ASAP1: variants seen among roughly 807,000 people sequenced by gnomAD.
The protein encoded by ASAP1 is ArfGAP with SH3 domain, ankyrin repeat and PH domain 1, also known as arf-GAP with SH3 domain, ANK repeat and PH domain-containing protein 1.
A neutral mutation model predicts 145.2 loss-of-function variants in ASAP1; 43 were observed. The ratio of observed to expected loss-of-function variants is 0.30; its 90% CI spans 0.23 to 0.38. The LOEUF is 0.38. ASAP1 is among the 10% of genes least tolerant of loss of function. The probability of loss-of-function intolerance (pLI) is 1.00; values close to 1 mark genes in which losing one functional copy is unlikely to be tolerated. For synonymous variants in ASAP1, 546 were observed against 515.5 expected (o/e 1.06, Z -0.80); for missense variants, 1,018 against 1,355.3 (o/e 0.75, Z 3.91).
At position 130,177,497 on chromosome 8, in the gene ASAP1, T is replaced by C. The variant is rs369270541; in HGVS notation, c.746+1767A>G. Among the ~76,000 whole-genome samples the C allele has an allele frequency of 2.0e-5, 3 of 152,116 alleles. No individual in the cohort carries two copies. In the East Asian group the frequency reaches 5.8e-4, roughly 29 times the overall value. On this transcript the variant is annotated intron_variant, in intron 9 of 29. Transcript: ENST00000518721. ...ACTAAATTTGATGAAAGATAAAAAATTCCACCCAATACTAAAATCAGGGAC... is the reference window on the plus strand; with the variant it reads ...ACTAAATTTGATGAAAGATAAAAAACTCCACCCAATACTAAAATCAGGGAC...
At chr8:130,369,147 G>A (rs147385098) in intron 2 of ASAP1, among the ~76,000 whole-genome samples, 41 of 152,308 alleles carry the variant, frequency 2.7e-4, no homozygotes, top group African/African-American at 8.7e-4. Flanking sequence ...TATACAGGTT[G>A]AGTATTCCTT....
At chr8:130,236,883 T>C (rs1488528247) in intron 4 of ASAP1, 39 bp downstream of exon 4, 1 of 1,389,072 alleles carries the variant, frequency 7.2e-7, no homozygotes. Flanking sequence ...GTAGACATTA[T>C]TTATAATTCA....
At chr8:130,238,560 G>A (rs929102221) in intron 3 of ASAP1, among the ~76,000 whole-genome samples, 1 of 152,174 alleles carries the variant, frequency 6.6e-6, no homozygotes, top group Non-Finnish European at 1.5e-5. Context: ...CATTTACTGA[G>A]CACTTACTAG....
chr8:130,054,633 ACTCT>A lies in ASAP1; in HGVS notation c.*94_*97del. ...GAGGTGGCCCTTCCATGAGTTTCTT[ACTCT>A]GTAACAGCAGCTATATACACACTGT... On this transcript the variant is annotated 3_prime_UTR_variant, in exon 30 of 30. Transcript: ENST00000518721. 9.6e-7 allele frequency: 1 copy of A among 1,041,152 alleles called. No individual in the cohort carries two copies. The highest frequency in any genetic ancestry group is 1.8e-5 in the Admixed American group (1 of 56,990). 64.5% of individuals were successfully genotyped at this position (1,041,152 alleles called of 1,614,324 possible). A position where few individuals can be genotyped will look rare whatever the true frequency, so the allele number is the denominator to read the frequency against.
chr8:130,162,507 A>C (rs1032308152), intron 11 of ASAP1, among the ~76,000 whole-genome samples: 1 of 152,160 alleles, frequency 6.6e-6, no homozygotes, highest in Non-Finnish European at 1.5e-5. Context: ...TCTCTGCCCT[A>C]TCTGTATCTT....
rs148606807 is a variant in ASAP1 at position 130,157,492 on chromosome 8, T to C, written c.1010+2372A>G. Reference sequence around the variant, plus strand: ...GCAGCCCTCCCTCTAACTGGTCTCCTTGTCTCTGTGCTTTCACCCTCCATG... The same window carrying C: ...GCAGCCCTCCCTCTAACTGGTCTCCCTGTCTCTGTGCTTTCACCCTCCATG... On this transcript the variant is annotated intron_variant, in intron 12 of 29. Coordinates refer to ENST00000518721, the MANE Select transcript of ASAP1 (RefSeq NM_018482.4). 2.6e-5 allele frequency among the ~76,000 whole-genome samples: 4 copies of C among 152,284 alleles called. No individual in the cohort carries two copies. The East Asian group carries it at 7.7e-4, about 29-fold the overall frequency.
chr8:130,272,513 G>T (rs1051059532), intron 3 of ASAP1, among the ~76,000 whole-genome samples: 1 of 152,092 alleles, frequency 6.6e-6, no homozygotes, highest in African/African-American at 2.4e-5. Flanking sequence ...TTCTCCAAAC[G>T]AAAGGAAATC....
chr8:130,170,189 T>C (rs1338346299), intron 9 of ASAP1, among the ~76,000 whole-genome samples: 1 of 84,320 alleles, frequency 1.2e-5, no homozygotes, highest in East Asian at 3.6e-4. Context: ...TTTTAAGGAA[T>C]ATCTTTTTTT....
At chr8:130,212,613 G>A (rs1192297486) in intron 5 of ASAP1, among the ~76,000 whole-genome samples, 3 of 152,200 alleles carry the variant, frequency 2.0e-5, no homozygotes, top group South Asian at 2.1e-4. Context: ...AGTAACCACA[G>A]GATTGTTGTA....
intron 26 of ASAP1, 126 bp downstream of exon 26, chr8:130,079,775 TG>T: frequency 1.1e-6 from 1 of 883,248 alleles, no homozygotes; most frequent in Non-Finnish European, 1.8e-6. Context: ...TTTCTTGTTG[TG>T]GCCTGCCCCA....
intron 15 of ASAP1, among the ~76,000 whole-genome samples, chr8:130,129,237 T>C (rs1257734094): frequency 1.3e-5 from 2 of 152,212 alleles, no homozygotes; most frequent in African/African-American, 2.4e-5. Context: ...CCTTTATAAA[T>C]TACCCAGTCT....
chr8:130,441,571 T>C (rs1830489291), intron 1 of ASAP1, among the ~76,000 whole-genome samples: 1 of 152,176 alleles, frequency 6.6e-6, no homozygotes. Flanking sequence ...GTTCCCTTCT[T>C]TCCTCTAGAC....
At chr8:130,421,354 C>G (rs1339409517) in intron 1 of ASAP1, among the ~76,000 whole-genome samples, 1 of 152,198 alleles carries the variant, frequency 6.6e-6, no homozygotes, top group African/African-American at 2.4e-5. Context: ...CCTCAGAGGA[C>G]AAGATGTTGA....
chr8:130,428,713 CCAT>C (rs1209973970), intron 1 of ASAP1, among the ~76,000 whole-genome samples: 15 of 150,482 alleles, frequency 1.0e-4, no homozygotes, highest in African/African-American at 1.5e-4. Context: ...ATCACTACCA[CCAT>C]CATCATCATC....
intron 3 of ASAP1, among the ~76,000 whole-genome samples, chr8:130,354,083 G>C (rs569891740): frequency 2.0e-5 from 3 of 152,172 alleles, no homozygotes; most frequent in African/African-American, 7.2e-5. Flanking sequence ...GTAGAGATGG[G>C]GTTTCACTGT....
At chr8:130,154,960 G>C (rs532159296) in intron 12 of ASAP1, among the ~76,000 whole-genome samples, 89 of 152,260 alleles carry the variant, frequency 5.8e-4, no homozygotes, top group African/African-American at 2.0e-3. Context: ...TGGTTAACGT[G>C]ACTAACTCTC....
At chr8:130,332,733 A>G (rs970518575) in intron 3 of ASAP1, among the ~76,000 whole-genome samples, 5 of 152,336 alleles carry the variant, frequency 3.3e-5, no homozygotes, top group Admixed American at 1.3e-4. Flanking sequence ...ACTTTCTTCA[A>G]GTAAAAGGAT....
chr8:130,300,076 A>T (rs1175426547), intron 3 of ASAP1, among the ~76,000 whole-genome samples: 1 of 150,714 alleles, frequency 6.6e-6, no homozygotes, highest in African/African-American at 2.4e-5. Context: ...CTATTAACAC[A>T]TACAGTTTCT....
At chr8:130,427,726 T>A (rs1196382127) in intron 1 of ASAP1, 1 of 152,220 alleles carries the variant, frequency 6.6e-6, no homozygotes, top group East Asian at 1.9e-4. Context: ...AGACATGGAA[T>A]AACTCACATT....
Sources: allele counts gnomAD v4.1 joint callset (sites outside exome capture counted in the v4.1 genomes callset), GRCh38; gene constraint gnomAD v4.1.1; transcripts MANE v1.5; gene names NCBI Gene and HGNC (gene_info 2026-07-23, HGNC 2026-07-21).